Variants in CDHR2 observed in about 807,000 individuals in gnomAD.
CDHR2 encodes the protein cadherin related family member 2, also known as cadherin-related family member 2.
Under a neutral mutation model 138.6 loss-of-function variants are expected in CDHR2, and 104 were observed. The ratio of observed to expected loss-of-function variants is 0.75; its 90% CI spans 0.64 to 0.88. CDHR2 has a LOEUF of 0.88. CDHR2 is among the 40% of genes least tolerant of loss of function. CDHR2 has a pLI of 0.00. For synonymous variants in CDHR2, 755 were observed against 742.8 expected, an observed-to-expected ratio of 1.02 and a Z score of -0.27; for missense variants, 1,624 against 1,727.6, an observed-to-expected ratio of 0.94 and a Z score of 1.06.
intron 30 of CDHR2, among the ~76,000 whole-genome samples, chr5:176,592,129 A>T (rs1281598167): frequency 8.4e-6 from 1 of 119,178 alleles, no homozygotes. Flanking sequence ...AGTGATGGTG[A>T]TGGTGGTGAT....
intron 31 of CDHR2, among the ~76,000 whole-genome samples, chr5:176,595,145 G>A (rs1758990954): frequency 6.6e-6 from 1 of 152,198 alleles, no homozygotes; most frequent in South Asian, 2.1e-4. Flanking sequence ...GTGGGTAGTT[G>A]AGGTAATGGA....
chr5:176,585,149 G>A (rs1758629735), intron 19 of CDHR2, 134 bp downstream of exon 19: 3 of 1,129,840 alleles, frequency 2.7e-6, no homozygotes, highest in South Asian at 1.6e-5. Flanking sequence ...TACTGGGAAA[G>A]TCCCAAACCC....
intron 30 of CDHR2, chr5:176,591,743 T>G (rs1249915581): frequency 4.1e-6 from 1 of 242,240 alleles, no homozygotes; most frequent in Non-Finnish European, 8.8e-6. Flanking sequence ...GTTGTGATGG[T>G]GATGGTGGTG....
At chr5:176,551,761 G>GCA (rs1757709630) in intron 1 of CDHR2, among the ~76,000 whole-genome samples, 1 of 142,414 alleles carries the variant, frequency 7.0e-6, no homozygotes. Flanking sequence ...GAGTGCAGTA[G>GCA]CGGCATCTCG....
At chr5:176,587,848 G>A (rs893107967) in intron 21 of CDHR2, among the ~76,000 whole-genome samples, 1 of 152,192 alleles carries the variant, frequency 6.6e-6, no homozygotes, top group Non-Finnish European at 1.5e-5. Flanking sequence ...CTAGGTTGAC[G>A]TTCATGCTAG....
intron 31 of CDHR2, among the ~76,000 whole-genome samples, chr5:176,594,006 G>T (rs1758953722): frequency 6.6e-6 from 1 of 152,184 alleles, no homozygotes; most frequent in African/African-American, 2.4e-5. Flanking sequence ...CGAAGGAACA[G>T]TCTTGTCTAC....
At chr5:176,593,600 C>T (rs1040376297) in intron 31 of CDHR2, among the ~76,000 whole-genome samples, 4 of 152,142 alleles carry the variant, frequency 2.6e-5, no homozygotes, top group African/African-American at 9.7e-5. Context: ...CGCTTAAGGC[C>T]CATTGGAGCT....
chr5:176,584,946 C>G lies in CDHR2; in HGVS notation c.2665C>G (p.Leu889Val). ...SKAIDYEACD[L>V]VTLVVRACDL... ...AGCCATCGACTACGAGGCCTGTGACCTGGTCACGCTGGTTGTGCGGGCCTG... is the reference window on the plus strand; with the variant it reads ...AGCCATCGACTACGAGGCCTGTGACGTGGTCACGCTGGTTGTGCGGGCCTG... Residue 889 changes from leucine to valine, a missense_variant, in exon 19 of 32, where the codon CTG becomes GTG. By Grantham distance (32) the Leu-to-Val change is conservative. This residue lies in a region of CDHR2 where 556 missense variants were observed against 565.7 expected (regional missense o/e 0.98). Coordinates refer to ENST00000261944, the MANE Select transcript of CDHR2 (RefSeq NM_017675.6). 1 of 1,579,776 alleles carries G rather than the reference C, an allele frequency of 6.3e-7. No individual in the cohort carries two copies. The highest frequency in any genetic ancestry group is 8.6e-7 in the Non-Finnish European group (1 of 1,162,300).
rs1758066194 is a variant in CDHR2 at position 176,565,803 on chromosome 5, G to A, written c.124+60G>A. ...GTCCTGACCCACAGGAAAGTCCTGGGGTGCCCTCTGGAGCCCCCACCATGC... is the reference window on the plus strand; with the variant it reads ...GTCCTGACCCACAGGAAAGTCCTGGAGTGCCCTCTGGAGCCCCCACCATGC... On this transcript the variant is annotated intron_variant, in intron 3 of 31. Coordinates refer to ENST00000261944, the MANE Select transcript of CDHR2 (RefSeq NM_017675.6). 3.6e-6 allele frequency: 5 copies of A among 1,384,510 alleles called. No individual in the cohort carries two copies. In the East Asian group the frequency reaches 9.6e-5, roughly 27 times the overall value. The allele number at this position is 1,384,510 out of a possible 1,614,324, so 85.8% of individuals were successfully genotyped here.
chr5:176,589,056 A>G lies in CDHR2; in HGVS notation c.2882A>G (p.Asn961Ser). Residue 961 changes from asparagine to serine, a missense_variant, in exon 22 of 32, where the codon AAT becomes AGT. This residue lies in a region of CDHR2 where 556 missense variants were observed against 565.7 expected (regional missense o/e 0.98). Transcript: ENST00000261944. ...GCCAGAGACGATGATTCAGGGAACA[A>G]TGGCGTCATCCTGTTCTCCATCCTC... Reference protein sequence around the residue: ...VRARDDDSGNNGVILFSILRV... With the variant: ...VRARDDDSGNSGVILFSILRV... 1.2e-6 allele frequency: 2 copies of G among 1,614,066 alleles called. No homozygotes were observed. Among genetic ancestry groups the G allele is most frequent in the Non-Finnish European group, 1.7e-6 (2 of 1,179,974 alleles).
rs765782132 is a variant in CDHR2, at chr5:176,575,361, C to T, written c.703C>T (p.Pro235Ser). Residue 235 changes from proline to serine, a missense_variant, in exon 9 of 32, where the codon CCT (proline) becomes TCT (serine). Pro to Ser is a moderately conservative substitution (Grantham distance 74, BLOSUM62 -1). This residue lies in a region of CDHR2 where 1,061 missense variants were observed against 1,136.6 expected (regional missense o/e 0.93). Coordinates refer to ENST00000261944, the MANE Select transcript of CDHR2 (RefSeq NM_017675.6). ...CCTGTCCATCTCCGTGGTGGACCAG[C>T]CTGACCTTGACCCCCAGTTTGTCAG... ...VFLSISVVDQ[P>S]DLDPQFVREF... The T allele has an allele frequency of 1.9e-6, 3 of 1,614,244 alleles. No homozygotes were observed. The highest frequency in any genetic ancestry group is 1.1e-5 in the South Asian group (1 of 91,086).
At chr5:176,560,562 A>G (rs1467205295) in intron 1 of CDHR2, among the ~76,000 whole-genome samples, 1 of 152,114 alleles carries the variant, frequency 6.6e-6, no homozygotes, top group East Asian at 1.9e-4. Flanking sequence ...TTTCACTCTC[A>G]TCACGCCCAC....
intron 28 of CDHR2, 78 bp downstream of exon 28, chr5:176,590,765 G>A: frequency 6.3e-7 from 1 of 1,593,896 alleles, no homozygotes; most frequent in Non-Finnish European, 8.6e-7. Flanking sequence ...AGGGGTAGAA[G>A]GAGCTGGGGC....
At chr5:176,588,402 TGA>T (rs374868416) in intron 21 of CDHR2, among the ~76,000 whole-genome samples, 302 of 70,818 alleles carry the variant, frequency 4.3e-3, no homozygotes, top group African/African-American at 0.014. Context: ...GGTGAGTGCA[TGA>T]GAGAGTGAGG....
At chr5:176,588,185 G>A (rs144477305) in intron 21 of CDHR2, among the ~76,000 whole-genome samples, 6 of 147,402 alleles carry the variant, frequency 4.1e-5, no homozygotes, top group South Asian at 2.2e-4. Flanking sequence ...TCTGAGCATC[G>A]CTGTGTGTGT....
chr5:176,574,082 G>T lies in CDHR2; in HGVS notation c.406-1G>T. On this transcript the variant is annotated splice_acceptor_variant, in intron 6 of 31. Transcript: ENST00000261944. LOFTEE classifies it high-confidence loss of function. ...CATAGGTGACGAGTCCCTCCCTGCA[G>T]ACCCTGCCCGTGGGCAGTGTGGTGT... 2.5e-6 allele frequency: 4 copies of T among 1,613,308 alleles called. No homozygotes were observed. The highest frequency in any genetic ancestry group is 3.4e-6 in the Non-Finnish European group (4 of 1,179,418).
chr5:176,576,652 C>G lies in CDHR2; in HGVS notation c.1194+467C>G, dbSNP rs3762965. On this transcript the variant is annotated intron_variant, in intron 12 of 31. Transcript: ENST00000261944. The surrounding 1 kb of genome is among the most constrained non-coding windows in gnomAD (Gnocchi z 4.5). Reference sequence around the variant, plus strand: ...AGTGCAATGGCCCAATCTTGGCCCACTGCAACCTCTGCCTCCCAGGTGGAA... The same window carrying G: ...AGTGCAATGGCCCAATCTTGGCCCAGTGCAACCTCTGCCTCCCAGGTGGAA... 2.2e-3 allele frequency among the ~76,000 whole-genome samples: 333 copies of G among 150,852 alleles called. 4 individuals carry two copies. Among genetic ancestry groups the G allele is most frequent in the African/African-American group, 7.6e-3 (313 of 41,006 alleles).
intron 6 of CDHR2, 45 bp from the exon 7 acceptor site, chr5:176,574,038 G>A (rs1479043807): frequency 7.0e-7 from 1 of 1,429,164 alleles, no homozygotes. Flanking sequence ...CAAGGGAGAG[G>A]AGGAGCTGGA....
intron 12 of CDHR2, 141 bp from the exon 13 acceptor site, chr5:176,577,258 C>G: frequency 1.1e-6 from 1 of 909,980 alleles, no homozygotes; most frequent in South Asian, 1.7e-5. Context: ...CTCCTGCACC[C>G]TCTCTCGCAG....
Sources: gnomAD v4.1 joint callset for allele counts (sites outside exome capture counted in the v4.1 genomes callset) on GRCh38, gnomAD v4.1.1 for gene constraint, gnomAD v4.1.1 regional missense constraint, Gnocchi (gnomAD v3.1) non-coding constraint, MANE v1.5 for transcripts, NCBI Gene and HGNC (gene_info 2026-07-23, HGNC 2026-07-21) for gene names.